MAP3K19: variants seen among roughly 807,000 people sequenced by gnomAD.
The protein encoded by MAP3K19 is mitogen-activated protein kinase kinase kinase 19, also known as SPS1/STE20-related protein kinase YSK4.
Under a neutral mutation model 114.4 loss-of-function variants are expected in MAP3K19, and 91 were observed. The observed-to-expected ratio is 0.80, with a 90% CI of 0.67 to 0.95. MAP3K19 has a LOEUF of 0.95. Ranked by LOEUF, MAP3K19 falls within the 40% of genes least tolerant of loss-of-function variation. The pLI is 0.00. For missense variants in MAP3K19, 1,471 were observed against 1,573.2 expected (o/e 0.94, Z 1.10); for synonymous variants, 518 against 530.5 (o/e 0.98, Z 0.32).
chr2:135,033,646 T>C (rs201859958), intron 2 of MAP3K19, among the ~76,000 whole-genome samples: 2 of 40,464 alleles, frequency 4.9e-5, no homozygotes, highest in Non-Finnish European at 7.6e-5. Context: ...CCAGCAGGGG[T>C]GGCTGGGCAG....
At chr2:134,981,880 CTTTTT>C (rs567597251) in intron 11 of MAP3K19, among the ~76,000 whole-genome samples, 1,384 of 124,514 alleles carry the variant, frequency 0.011, 16 homozygotes, top group African/African-American at 0.039. Context: ...GATTTCTTTT[CTTTTT>C]TTTTTTTTTT....
intron 1 of MAP3K19, among the ~76,000 whole-genome samples, chr2:135,041,367 G>A (rs1353742090): frequency 2.0e-5 from 3 of 149,706 alleles, no homozygotes; most frequent in Non-Finnish European, 4.4e-5. Context: ...TTGAGATAGA[G>A]TCTCACTCTC....
chr2:135,025,459 C>T (rs1688224089), intron 3 of MAP3K19, among the ~76,000 whole-genome samples: 1 of 144,612 alleles, frequency 6.9e-6, no homozygotes, highest in Non-Finnish European at 1.5e-5. Flanking sequence ...GATCTCGGCT[C>T]ACTGCAAGCT....
intron 5 of MAP3K19, among the ~76,000 whole-genome samples, chr2:135,010,077 G>A (rs960756786): frequency 6.7e-6 from 1 of 149,826 alleles, no homozygotes; most frequent in South Asian, 2.1e-4. Flanking sequence ...AGCATGAAAA[G>A]TTTGAAACAA....
intron 12 of MAP3K19, among the ~76,000 whole-genome samples, chr2:134,975,082 T>A (rs953562751): frequency 2.6e-5 from 4 of 152,038 alleles, no homozygotes; most frequent in African/African-American, 9.7e-5. Context: ...TTAGCCTGAG[T>A]GGTAGCAGTG....
intron 9 of MAP3K19, among the ~76,000 whole-genome samples, chr2:134,988,915 A>G (rs1020078571): frequency 2.6e-5 from 4 of 152,156 alleles, no homozygotes; most frequent in Admixed American, 6.5e-5. Context: ...GATTTTTGAA[A>G]TCCCACTGAA....
chr2:134,994,775 C>G (rs1490140981), intron 8 of MAP3K19, among the ~76,000 whole-genome samples: 1 of 152,162 alleles, frequency 6.6e-6, no homozygotes, highest in East Asian at 1.9e-4. Context: ...CAAGCTCACT[C>G]AAACATACAG....
chr2:135,027,916 G>A (rs77880544), intron 3 of MAP3K19, among the ~76,000 whole-genome samples: 44 of 152,284 alleles, frequency 2.9e-4, no homozygotes, highest in African/African-American at 9.6e-4. Context: ...TCCCTGACAG[G>A]TTGTATCAGG....
intron 11 of MAP3K19, chr2:134,983,265 T>A (rs1328085202): frequency 5.6e-6 from 3 of 536,238 alleles, no homozygotes; most frequent in Non-Finnish European, 1.1e-5. Flanking sequence ...CTAGTAATGA[T>A]TCTCCAAACT....
chr2:135,005,990 C>A (rs567977089), intron 5 of MAP3K19, among the ~76,000 whole-genome samples: 1 of 152,234 alleles, frequency 6.6e-6, no homozygotes, highest in African/African-American at 2.4e-5. Flanking sequence ...ACAGATATAA[C>A]CCTAGACTGA....
Position 135,028,305 on chromosome 2 carries a change from C to G in MAP3K19, c.-95+2007G>C, listed in dbSNP as rs543267798. Among the ~76,000 whole-genome samples, 12 of 152,150 alleles carry G rather than the reference C, an allele frequency of 7.9e-5. No individual in the cohort carries two copies. In the East Asian group the frequency reaches 2.3e-3, roughly 29 times the overall value. ...GCATGGTGGCTCACACCTGTAATCC[C>G]AGCACTTTAGAAGGCTGAGGCATGT... On this transcript the variant is annotated intron_variant, in intron 3 of 12. Transcript: ENST00000392915.
In MAP3K19 at chr2:134,981,438, A is replaced by G. The variant is rs765181556; in HGVS notation, c.3303T>C (p.Ala1101=). Residue 1101 remains alanine (A), a synonymous_variant, in exon 12 of 13, where the codon GCT becomes GCC. Coordinates refer to ENST00000392915, the MANE Select transcript of MAP3K19 (RefSeq NM_025052.5). ...VALDTSNKLA[A]EKEYRKLQEE... is the part of the protein sequence containing the mutation. ...CCTGTAGTTTCCGGTATTCCTTTTCAGCAGCTAATTTATTAGAGGTATCCA... is the reference window on the plus strand; with the variant it reads ...CCTGTAGTTTCCGGTATTCCTTTTCGGCAGCTAATTTATTAGAGGTATCCA... The G allele has an allele frequency of 6.2e-7, 1 of 1,614,246 alleles. No individual in the cohort carries two copies. The highest frequency in any genetic ancestry group is 8.5e-7 in the Non-Finnish European group (1 of 1,180,050).
intron 12 of MAP3K19, among the ~76,000 whole-genome samples, chr2:134,967,510 GGTGAGACAT>G (rs1327776534): frequency 6.6e-6 from 1 of 152,258 alleles, no homozygotes. Flanking sequence ...TATGGTGGGA[GGTGAGACAT>G]GTTTGCAGCA....
Position 134,964,618 on chromosome 2 carries a change from T to A in MAP3K19, c.*232A>T, listed in dbSNP as rs1421574436. The stretch of plus-strand genomic sequence containing the variant: ...ACAATCAAAACTGTAAACACTGAAA[T>A]AGTTTTTTGTTGTTATTAAGAACAT... On this transcript the variant is annotated 3_prime_UTR_variant, in exon 13 of 13. Transcript: ENST00000392915. The A allele has an allele frequency of 8.8e-6, 3 of 339,204 alleles. No homozygotes were observed. The highest frequency in any genetic ancestry group is 1.6e-5 in the Non-Finnish European group (3 of 183,768). The allele number at this position is 339,204 out of a possible 1,614,324, so 21.0% of individuals were successfully genotyped here.
intron 12 of MAP3K19, among the ~76,000 whole-genome samples, chr2:134,979,987 A>T (rs2105190523): frequency 6.6e-6 from 1 of 152,328 alleles, no homozygotes; most frequent in South Asian, 2.1e-4. Context: ...GGAGTTTTTC[A>T]TCTAGGGATA....
intron 1 of MAP3K19, among the ~76,000 whole-genome samples, chr2:135,045,664 T>C (rs1241565091): frequency 6.6e-6 from 1 of 152,226 alleles, no homozygotes; most frequent in East Asian, 1.9e-4. Flanking sequence ...AACTTTTTAA[T>C]GTGACCCTTA....
chr2:134,998,892 G>A lies in MAP3K19; in HGVS notation c.420C>T (p.Pro140=). Residue 140 remains proline (P), a synonymous_variant, in exon 8 of 13, where the codon CCC becomes CCT. Coordinates refer to ENST00000392915, the MANE Select transcript of MAP3K19 (RefSeq NM_025052.5). ...ELRKKKLTMR[P]LVLQKEESSR... Reference sequence around the variant, plus strand: ...AACTTTCCTCTTTTTGCAAAACTAAGGGCCGCATGGTCAGCTTCTTTTTCC... The same window carrying A: ...AACTTTCCTCTTTTTGCAAAACTAAAGGCCGCATGGTCAGCTTCTTTTTCC... 6.2e-7 allele frequency: 1 copy of A among 1,614,168 alleles called. No homozygotes were observed. Among genetic ancestry groups the A allele is most frequent in the Non-Finnish European group, 8.5e-7 (1 of 1,180,026 alleles).
intron 6 of MAP3K19, among the ~76,000 whole-genome samples, chr2:135,003,648 G>T (rs899060879): frequency 1.3e-5 from 2 of 152,046 alleles, no homozygotes; most frequent in African/African-American, 4.8e-5. Context: ...TCCGCCTCCC[G>T]GGTTCAAACG....
Position 134,991,580 on chromosome 2 carries a change from T to A in MAP3K19, c.575A>T (p.Glu192Val). The A allele has an allele frequency of 6.2e-7, 1 of 1,611,126 alleles. No homozygotes were observed. Among genetic ancestry groups the A allele is most frequent in the African/African-American group, 1.3e-5 (1 of 74,918 alleles). Residue 192 changes from glutamate to valine, a missense_variant and splice_region_variant, in exon 9 of 13, where the codon GAG (glutamate) becomes GTG (valine). Transcript: ENST00000392915. ...FLKEQQRKSEEFSTSHMKYSG... is the reference protein window; with the variant it reads ...FLKEQQRKSEVFSTSHMKYSG... Reference sequence around the variant, plus strand: ...GTACTTCATATGAGAGGTCGAAAACTCTACAACAAGAAAAACAATAACTGG... The same window carrying A: ...GTACTTCATATGAGAGGTCGAAAACACTACAACAAGAAAAACAATAACTGG...
Sources: gnomAD v4.1 joint callset for allele counts (sites outside exome capture counted in the v4.1 genomes callset) on GRCh38, gnomAD v4.1.1 for gene constraint, MANE v1.5 for transcripts, NCBI Gene and HGNC (gene_info 2026-07-23, HGNC 2026-07-21) for gene names.